The following BRCA1 variants were observed in gnomAD, a reference collection of about 807,000 sequenced individuals.
The protein encoded by BRCA1 is BRCA1 DNA repair associated, also known as breast cancer type 1 susceptibility protein.
Under a neutral mutation model 173.7 loss-of-function variants are expected in BRCA1, and 140 were observed. The ratio of observed to expected loss-of-function variants is 0.81; its 90% confidence interval spans 0.70 to 0.93. The LOEUF is 0.93. Ranked by LOEUF, BRCA1 falls within the 40% of genes least tolerant of loss-of-function variation. BRCA1 has a pLI of 0.00. For missense variants in BRCA1, 1,983 were observed against 2,172.5 expected, an observed-to-expected ratio of 0.91 and a Z score of 1.73; for synonymous variants, 662 against 756.0, an observed-to-expected ratio of 0.88 and a Z score of 2.04.
At position 43,093,808 on chromosome 17, in the gene BRCA1, C is replaced by T. The variant is rs397508902; in HGVS notation, c.1723G>A (p.Glu575Lys). 1.8e-5 allele frequency: 29 copies of T among 1,613,404 alleles called. No individual in the cohort carries two copies. Among genetic ancestry groups the T allele is most frequent in the South Asian group, 8.8e-5 (8 of 90,964 alleles). Reference protein sequence around the residue: ...EKNPNPIESLEKESAFKTKAE... With the variant: ...EKNPNPIESLKKESAFKTKAE... ...TTCGTTTTGAAAGCAGATTCTTTTT[C>T]GAGTGATTCTATTGGGTTAGGATTT... Residue 575 changes from glutamate (E) to lysine (K), a missense_variant, in exon 10 of 23, where the codon GAA becomes AAA. Physicochemically the swap from Glu to Lys is moderately conservative, Grantham distance 56. Coordinates refer to ENST00000357654, the MANE Select transcript of BRCA1 (RefSeq NM_007294.4).
At chr17:43,082,378 A>G (rs748971390) in intron 12 of BRCA1, 26 bp downstream of exon 12, 1 of 1,610,198 alleles carries the variant, frequency 6.2e-7, no homozygotes, top group South Asian at 1.1e-5. Context: ...TGCTTAAGAT[A>G]TCAGTGTTTG....
Position 43,094,727 on chromosome 17 carries a change from G to C in BRCA1, c.804C>G (p.Asn268Lys), listed in dbSNP as rs771076131. Residue 268 changes from asparagine (N) to lysine (K), a missense_variant, in exon 10 of 23, where the codon AAC becomes AAG. Transcript: ENST00000357654. Reference sequence around the variant, plus strand: ...TTGTGCCACATGGCTCCACATGCAAGTTTGAAACAGAACTACCCTGATACT... The same window carrying C: ...TTGTGCCACATGGCTCCACATGCAACTTTGAAACAGAACTACCCTGATACT... ...PEKYQGSSVS[N>K]LHVEPCGTNT... 1.7e-5 allele frequency: 28 copies of C among 1,611,504 alleles called. 1 individual carries two copies. In the South Asian group the frequency reaches 3.1e-4, roughly 18 times the overall value.
intron 18 of BRCA1, among the ~76,000 whole-genome samples, chr17:43,060,883 TG>T (rs1308755244): frequency 2.6e-5 from 4 of 151,910 alleles, no homozygotes; most frequent in Admixed American, 6.6e-5. Context: ...CCCAGCACTT[TG>T]GGAGGTTGAG....
chr17:43,164,964 G>A (rs532922032), intron 1 of BRCA1, among the ~76,000 whole-genome samples: 2 of 152,254 alleles, frequency 1.3e-5, no homozygotes, highest in South Asian at 4.1e-4. Context: ...CCTTTTTCCT[G>A]AGAAATTTCC....
chr17:43,049,468 A>C (rs2051115062), intron 20 of BRCA1, among the ~76,000 whole-genome samples: 1 of 152,192 alleles, frequency 6.6e-6, no homozygotes, highest in Non-Finnish European at 1.5e-5. Context: ...GAAAGAAAAA[A>C]AAATCAAAGA....
At chr17:43,121,761 AAT>A (rs771235708) in intron 2 of BRCA1, among the ~76,000 whole-genome samples, 2 of 152,128 alleles carry the variant, frequency 1.3e-5, no homozygotes, top group African/African-American at 4.8e-5. Flanking sequence ...TAGAAAACAT[AAT>A]AGTTGATTGA....
intron 22 of BRCA1, 119 bp from the exon 23 acceptor site, chr17:43,045,921 A>AT: frequency 5.6e-6 from 7 of 1,247,076 alleles, no homozygotes; most frequent in Non-Finnish European, 7.7e-6. Flanking sequence ...GGTAGAAGCT[A>AT]ATTTTTTTTT....
chr17:43,168,580 G>A (rs1324573947), intron 1 of BRCA1, among the ~76,000 whole-genome samples: 3 of 152,116 alleles, frequency 2.0e-5, no homozygotes, highest in Admixed American at 6.5e-5. Flanking sequence ...CAGAGGTTGC[G>A]GTGAGCCCAA....
At chr17:43,065,496 C>T (rs998428211) in intron 16 of BRCA1, among the ~76,000 whole-genome samples, 1 of 152,106 alleles carries the variant, frequency 6.6e-6, no homozygotes, top group African/African-American at 2.4e-5. Context: ...TGGAAAAACC[C>T]TGTCTCTACT....
chr17:43,127,296 G>T (rs1356141748), upstream of BRCA1, among the ~76,000 whole-genome samples: 3 of 152,244 alleles, frequency 2.0e-5, no homozygotes, highest in Admixed American at 6.5e-5. Flanking sequence ...TTTATGTCTA[G>T]CCTGAGGATT....
chr17:43,139,200 A>G (rs961403302), intron 1 of BRCA1, among the ~76,000 whole-genome samples: 3 of 120,148 alleles, frequency 2.5e-5, no homozygotes, highest in Non-Finnish European at 5.4e-5. Flanking sequence ...TAAATTTATC[A>G]TTTTTCTTTT....
intron 1 of BRCA1, among the ~76,000 whole-genome samples, chr17:43,133,878 G>A (rs113559238): frequency 6.6e-6 from 1 of 152,040 alleles, no homozygotes; most frequent in African/African-American, 2.4e-5. Flanking sequence ...CAAGTGATCC[G>A]CCTGCCTCGG....
At chr17:43,089,461 A>C (rs751279771) in intron 11 of BRCA1, among the ~76,000 whole-genome samples, 4 of 152,112 alleles carry the variant, frequency 2.6e-5, no homozygotes, top group Non-Finnish European at 5.9e-5. Context: ...TCAAATGGTC[A>C]TATATATGGT....
intron 12 of BRCA1, 48 bp from the exon 13 acceptor site, chr17:43,076,662 T>TA (rs2052750882): frequency 6.2e-7 from 1 of 1,601,780 alleles, no homozygotes; most frequent in African/African-American, 1.3e-5. Context: ...TTTGTTCTGA[T>TA]AGTGATAATT....
intron 16 of BRCA1, among the ~76,000 whole-genome samples, chr17:43,066,812 C>CT (rs34253779): frequency 0.024 from 2,696 of 112,170 alleles, 53 homozygotes; most frequent in African/African-American, 0.036. Flanking sequence ...CCCTCCAAAC[C>CT]TTTTTTTTTT....
At chr17:43,147,158 G>C (rs927126887) in intron 1 of BRCA1, among the ~76,000 whole-genome samples, 5 of 152,046 alleles carry the variant, frequency 3.3e-5, no homozygotes, top group African/African-American at 1.2e-4. Flanking sequence ...GCGCCACCGC[G>C]CCCGGCTAAT....
Position 43,047,669 on chromosome 17 carries a change from G to GC in BRCA1, c.5440dup (p.Ala1814GlyfsTer16), listed in dbSNP as rs1057517637. 1 of 1,614,200 alleles carries GC rather than the reference G, an allele frequency of 6.2e-7. No homozygotes were observed. Among genetic ancestry groups the GC allele is most frequent in the South Asian group, 1.1e-5 (1 of 91,078 alleles). ...ATGGAAGCCATTGTCCTCTGTCCAG[G>GC]CATCTGGCTGCACAACCACAATTGG... On this transcript the variant is annotated frameshift_variant, in exon 22 of 23. Coordinates refer to ENST00000357654, the MANE Select transcript of BRCA1 (RefSeq NM_007294.4). LOFTEE classifies it high-confidence loss of function.
chr17:43,153,054 A>G (rs1009854068), intron 1 of BRCA1, among the ~76,000 whole-genome samples: 1 of 151,972 alleles, frequency 6.6e-6, no homozygotes, highest in Non-Finnish European at 1.5e-5. Flanking sequence ...AATAATAAAA[A>G]TAAATAAATA....
intron 1 of BRCA1, among the ~76,000 whole-genome samples, chr17:43,142,924 GTGTGTGTGTGTGTGTGTATATATATA>G (rs1317901034): frequency 1.2e-3 from 179 of 146,392 alleles, no homozygotes; most frequent in Non-Finnish European, 2.2e-3. Flanking sequence ...TTGTGTGTGT[GTGTGTGTGTGTGTGTGTATATATATA>G]TGTGTGTGTG....
Sources: gnomAD v4.1 joint callset for allele counts (sites outside exome capture counted in the v4.1 genomes callset) on GRCh38, gnomAD v4.1.1 for gene constraint, MANE v1.5 for transcripts, NCBI Gene and HGNC (gene_info 2026-07-23, HGNC 2026-07-21) for gene names.